The following GTSF1 variants were observed in gnomAD, a reference collection of about 807,000 sequenced individuals.
GTSF1 encodes gametocyte specific factor 1.
A neutral mutation model predicts 28.9 loss-of-function variants in GTSF1; 11 were observed. That is an observed-to-expected ratio of 0.38 (90% confidence interval 0.24 to 0.63). GTSF1 has a LOEUF of 0.63. Ranked by LOEUF, GTSF1 falls within the 30% of genes least tolerant of loss-of-function variation. The pLI is 0.56. For missense variants in GTSF1, 146 were observed against 201.0 expected (o/e 0.73, Z 1.66); for synonymous variants, 69 against 65.6 (o/e 1.05, Z -0.25).
At chr12:54,470,493 G>A (rs1033786776) in intron 2 of GTSF1, among the ~76,000 whole-genome samples, 1 of 152,196 alleles carries the variant, frequency 6.6e-6, no homozygotes, top group African/African-American at 2.4e-5. Context: ...GAATGGGACT[G>A]AAATATCCTT....
rs763481798 is a variant in GTSF1, at chr12:54,462,117, G to A, written c.384C>T (p.Asp128=). Residue 128 remains aspartate, a synonymous_variant, in exon 6 of 9, where the codon GAC becomes GAT. Coordinates refer to ENST00000305879, the MANE Select transcript of GTSF1 (RefSeq NM_144594.3). ...PFVWGTTHYS[D]NNSPASNIVT... ...AAGACTATTTCATTTACCTGTTGTT[G>A]TCAGAGTAGTGAGTTGTGCCCCAGA... is the stretch of plus-strand genomic sequence containing the variant. 3 of 1,612,376 alleles carry A rather than the reference G, an allele frequency of 1.9e-6. No individual in the cohort carries two copies. Among genetic ancestry groups the A allele is most frequent in the South Asian group, 2.2e-5 (2 of 91,040 alleles).
At chr12:54,473,364 G>A (rs1428435227) in intron 1 of GTSF1, among the ~76,000 whole-genome samples, 182 bp downstream of exon 1, 1 of 152,068 alleles carries the variant, frequency 6.6e-6, no homozygotes, top group South Asian at 2.1e-4. Context: ...TAGAAAAGGC[G>A]CCAAGGAGGC....
intron 2 of GTSF1, among the ~76,000 whole-genome samples, chr12:54,468,484 A>C (rs757249862): frequency 8.5e-5 from 13 of 152,216 alleles, no homozygotes; most frequent in Non-Finnish European, 1.6e-4. Flanking sequence ...CTGTGCATTA[A>C]AAGTTGTAAT....
At chr12:54,472,175 C>G (rs1956602672) in intron 1 of GTSF1, 1 of 152,222 alleles carries the variant, frequency 6.6e-6, no homozygotes, top group African/African-American at 2.4e-5. Context: ...CCTGGAAATG[C>G]TGGAAGTCTT....
At chr12:54,466,966 C>G (rs1488158852) in intron 2 of GTSF1, 2 of 151,894 alleles carry the variant, frequency 1.3e-5, no homozygotes, top group East Asian at 3.9e-4. Flanking sequence ...AAATCTTTAA[C>G]TGTGATTAAA....
intron 7 of GTSF1, 83 bp from the exon 8 acceptor site, chr12:54,459,208 C>T: frequency 6.7e-7 from 1 of 1,487,176 alleles, no homozygotes; most frequent in Non-Finnish European, 9.2e-7. Flanking sequence ...ACACAAATGA[C>T]TTATTCCTGT....
intron 2 of GTSF1, among the ~76,000 whole-genome samples, chr12:54,465,463 C>T (rs1400447403): frequency 2.0e-5 from 3 of 152,024 alleles, no homozygotes; most frequent in Admixed American, 2.0e-4. Context: ...AAATGTCATC[C>T]TCTTTTCCTT....
intron 5 of GTSF1, 91 bp downstream of exon 5, chr12:54,462,551 A>C: frequency 1.0e-6 from 1 of 993,820 alleles, no homozygotes. Flanking sequence ...ACAACATGGT[A>C]TGTTCATAAA....
intron 3 of GTSF1, among the ~76,000 whole-genome samples, chr12:54,463,637 C>T (rs1022304677): frequency 6.6e-6 from 1 of 152,102 alleles, no homozygotes; most frequent in Admixed American, 6.5e-5. Context: ...CAGCACAGCC[C>T]GTAATGAGAG....
At chr12:54,468,411 G>A (rs574797648) in intron 2 of GTSF1, among the ~76,000 whole-genome samples, 3 of 152,256 alleles carry the variant, frequency 2.0e-5, no homozygotes, top group Non-Finnish European at 4.4e-5. Flanking sequence ...ATAAGCCACC[G>A]TGCCCGGCCA....
chr12:54,465,659 T>TA (rs1956501010), intron 2 of GTSF1, among the ~76,000 whole-genome samples: 1 of 152,066 alleles, frequency 6.6e-6, no homozygotes, highest in Non-Finnish European at 1.5e-5. Flanking sequence ...TAATAGCAAG[T>TA]AATAGTAATA....
intron 4 of GTSF1, 99 bp from the exon 5 acceptor site, chr12:54,462,824 G>T: frequency 4.5e-6 from 4 of 880,366 alleles, no homozygotes; most frequent in Non-Finnish European, 1.8e-6. Flanking sequence ...TAGCCTGTTG[G>T]GTCTTTATTT....
At chr12:54,470,879 C>CTTAGGATA (rs1956585587) in intron 2 of GTSF1, among the ~76,000 whole-genome samples, 5 of 152,152 alleles carry the variant, frequency 3.3e-5, no homozygotes, top group Non-Finnish European at 7.4e-5. Context: ...GAATCCTTCC[C>CTTAGGATA]AGATTTCTTA....
intron 2 of GTSF1, among the ~76,000 whole-genome samples, chr12:54,468,562 G>A (rs991848182): frequency 2.0e-5 from 3 of 152,186 alleles, no homozygotes; most frequent in East Asian, 1.9e-4. Context: ...TTTCGAAAAC[G>A]AAGTAGGTCT....
chr12:54,472,376 C>T (rs373719746), intron 1 of GTSF1: 1 of 152,234 alleles, frequency 6.6e-6, no homozygotes. Flanking sequence ...AATTAATACT[C>T]ATTCCCTCTA....
rs778291934 is a variant in GTSF1 at position 54,463,235 on chromosome 12, A to T, written c.180T>A (p.Pro60=). Residue 60 remains proline (P), a synonymous_variant, in exon 4 of 9, where the codon CCT becomes CCA. Coordinates refer to ENST00000305879, the MANE Select transcript of GTSF1 (RefSeq NM_144594.3). ...AGATATGATGACTAATTTCAGCTCG[A>T]GGAACCTGGTGGCGAGCATTGAAGG... ...TCPFNARHQV[P]RAEISHHISS... The T allele has an allele frequency of 1.2e-6, 2 of 1,614,018 alleles. No homozygotes were observed. The highest frequency in any genetic ancestry group is 1.7e-6 in the Non-Finnish European group (2 of 1,179,872).
intron 2 of GTSF1, among the ~76,000 whole-genome samples, chr12:54,470,323 G>A (rs985005909): frequency 8.5e-5 from 13 of 152,194 alleles, no homozygotes; most frequent in African/African-American, 3.1e-4. Flanking sequence ...AAATCTGCAG[G>A]TGGGACCCAG....
intron 3 of GTSF1, chr12:54,464,848 GTTCT>G (rs924237765): frequency 1.6e-4 from 59 of 368,008 alleles, no homozygotes; most frequent in African/African-American, 1.2e-3. Context: ...TTTATAAAGG[GTTCT>G]TTGTCACTAG....
chr12:54,464,692 A>G (rs1956482017), intron 3 of GTSF1: 1 of 153,170 alleles, frequency 6.5e-6, no homozygotes, highest in African/African-American at 2.4e-5. Flanking sequence ...TAAAATTTCT[A>G]AACAAAATAA....
Sources: allele counts gnomAD v4.1 joint callset (sites outside exome capture counted in the v4.1 genomes callset), GRCh38; gene constraint gnomAD v4.1.1; transcripts MANE v1.5; gene names NCBI Gene and HGNC (gene_info 2026-07-23, HGNC 2026-07-21).